Variants in PCMTD1 observed in about 807,000 individuals in gnomAD.
PCMTD1 encodes the protein protein-L-isoaspartate (D-aspartate) O-methyltransferase domain containing 1.
In PCMTD1, 12 loss-of-function variants were observed where a neutral mutation model predicts 37.6. That is an observed-to-expected ratio of 0.32 (90% CI 0.20 to 0.52). The LOEUF is 0.52. Ranked by LOEUF, PCMTD1 falls within the 20% of genes least tolerant of loss-of-function variation. PCMTD1 has a pLI of 0.97. For synonymous variants in PCMTD1, 117 were observed against 135.8 expected (o/e 0.86, Z 0.96); for missense variants, 235 against 421.3 (o/e 0.56, Z 3.87).
chr8:51,883,727 A>G (rs1457051425), intron 1 of PCMTD1, among the ~76,000 whole-genome samples: 1 of 152,170 alleles, frequency 6.6e-6, no homozygotes, highest in Non-Finnish European at 1.5e-5. Context: ...TTTTTTTGGC[A>G]TCTGAATTCT....
intron 1 of PCMTD1, among the ~76,000 whole-genome samples, chr8:51,869,099 A>G (rs2038602147): frequency 6.6e-6 from 1 of 152,188 alleles, no homozygotes; most frequent in Non-Finnish European, 1.5e-5. Flanking sequence ...TAATCAATAT[A>G]ATCAATATTA....
chr8:51,848,435 AAATAT>A (rs1389430953), intron 2 of PCMTD1, among the ~76,000 whole-genome samples: 2 of 152,176 alleles, frequency 1.3e-5, no homozygotes, highest in Non-Finnish European at 2.9e-5. Context: ...CAGAATATAT[AAATAT>A]AATAACAAAG....
intron 1 of PCMTD1, among the ~76,000 whole-genome samples, chr8:51,872,952 C>T (rs2129289882): frequency 6.6e-6 from 1 of 152,240 alleles, no homozygotes; most frequent in East Asian, 1.9e-4. Flanking sequence ...TCAATGATTC[C>T]TTTAAGAACT....
At chr8:51,857,628 C>T (rs2038410869) in intron 2 of PCMTD1, among the ~76,000 whole-genome samples, 1 of 152,068 alleles carries the variant, frequency 6.6e-6, no homozygotes, top group Non-Finnish European at 1.5e-5. Context: ...GGAGAATCAA[C>T]TAAGTACTAG....
At chr8:51,851,534 A>G (rs2038307796) in intron 2 of PCMTD1, among the ~76,000 whole-genome samples, 1 of 152,250 alleles carries the variant, frequency 6.6e-6, no homozygotes, top group Admixed American at 6.5e-5. Context: ...AATGTGCGCA[A>G]TAGAATATTA....
intron 3 of PCMTD1, among the ~76,000 whole-genome samples, chr8:51,843,736 G>A (rs2038179785): frequency 5.3e-5 from 8 of 152,082 alleles, no homozygotes; most frequent in Admixed American, 5.2e-4. Flanking sequence ...CTGTTTCCCA[G>A]GACTATACCC....
At chr8:51,864,573 G>A (rs2038523063) in intron 1 of PCMTD1, among the ~76,000 whole-genome samples, 1 of 152,078 alleles carries the variant, frequency 6.6e-6, no homozygotes, top group South Asian at 2.1e-4. Context: ...GGACTTTTGG[G>A]ACGTTCACAA....
In PCMTD1 at chr8:51,877,934, C is replaced by T. The variant is rs549898972; in HGVS notation, c.-95-16688G>A. ...ACTAAAGTTAAAAAAAAATTCTACT[C>T]CAAACTACTCCAAATGGTGCAGAAA... On this transcript the variant is annotated intron_variant, in intron 1 of 5. Transcript: ENST00000522514. 2.6e-4 allele frequency among the ~76,000 whole-genome samples: 40 copies of T among 152,280 alleles called. 1 individual carries two copies. The highest frequency in any genetic ancestry group is 8.9e-4 in the African/African-American group (37 of 41,554).
Position 51,817,715 on chromosome 8 carries a change from A to G in PCMTD1, c.*2636T>C, listed in dbSNP as rs1386337426. ...TTTGTATTTTATTTTACTACTATGTATGCTATTTTAATAACATTTTTCTTT... is the reference window on the plus strand; with the variant it reads ...TTTGTATTTTATTTTACTACTATGTGTGCTATTTTAATAACATTTTTCTTT... On this transcript the variant is annotated 3_prime_UTR_variant, in exon 6 of 6. Coordinates refer to ENST00000522514, the MANE Select transcript of PCMTD1 (RefSeq NM_052937.4). The G allele has an allele frequency of 2.4e-5, 9 of 370,886 alleles. No homozygotes were observed. In the East Asian group the frequency reaches 6.3e-4, roughly 26 times the overall value. 23.0% of individuals were successfully genotyped at this position (370,886 alleles called of 1,614,324 possible).
intron 1 of PCMTD1, among the ~76,000 whole-genome samples, chr8:51,881,269 CATTTAT>C (rs2038787779): frequency 6.6e-6 from 1 of 152,052 alleles, no homozygotes; most frequent in Admixed American, 6.5e-5. Flanking sequence ...TGCCACTAAA[CATTTAT>C]ATTCTTCAAG....
chr8:51,838,353 G>A (rs1461637015), intron 3 of PCMTD1, among the ~76,000 whole-genome samples: 3 of 151,636 alleles, frequency 2.0e-5, no homozygotes, highest in Non-Finnish European at 4.4e-5. Flanking sequence ...GTTAGGCACG[G>A]TAGCACGCGC....
chr8:51,898,695 A>C (rs2039048212), intron 1 of PCMTD1, among the ~76,000 whole-genome samples: 2 of 146,868 alleles, frequency 1.4e-5, no homozygotes, highest in African/African-American at 2.5e-5. Flanking sequence ...GCCCCTTTCG[A>C]CTCCCCGACC....
chr8:51,898,926 T>C lies in PCMTD1; in HGVS notation c.-96+4A>G. 1.5e-6 allele frequency: 2 copies of C among 1,354,258 alleles called. No individual in the cohort carries two copies. Among genetic ancestry groups the C allele is most frequent in the South Asian group, 1.8e-5 (1 of 55,040 alleles). 83.9% of individuals were successfully genotyped at this position (1,354,258 alleles called of 1,614,324 possible). ...CCCCGAGCCCCCACTGGCGGCGGCGTTACCTGTGGCGCGGGCAGCGGCGCG... is the reference window on the plus strand; with the variant it reads ...CCCCGAGCCCCCACTGGCGGCGGCGCTACCTGTGGCGCGGGCAGCGGCGCG... On this transcript the variant is annotated splice_donor_region_variant and intron_variant, in intron 1 of 5. Transcript: ENST00000522514.
At position 51,820,576 on chromosome 8, in the gene PCMTD1, C is replaced by T. The variant is rs2037832332; in HGVS notation, c.849G>A (p.Gln283=). The change falls in exon 6 of 6, where the codon CAG becomes CAA. Residue 283 remains glutamine (Q), a synonymous_variant. Transcript: ENST00000522514. Reference sequence around the variant, plus strand: ...CCACAAATACGTAAGTGTTAATTCTCTGTTTAACTCTCTTTCTTTTCCTTT... The same window carrying T: ...CCACAAATACGTAAGTGTTAATTCTTTGTTTAACTCTCTTTCTTTTCCTTT... ...PPKRKRKRVK[Q]RINTYVFVGN... is the part of the protein sequence containing the mutation. 1.2e-6 allele frequency: 2 copies of T among 1,612,292 alleles called. No homozygotes were observed. Among genetic ancestry groups the T allele is most frequent in the Non-Finnish European group, 1.7e-6 (2 of 1,179,538 alleles).
At chr8:51,862,443 T>C (rs2038487373) in intron 1 of PCMTD1, among the ~76,000 whole-genome samples, 1 of 152,138 alleles carries the variant, frequency 6.6e-6, no homozygotes, top group African/African-American at 2.4e-5. Flanking sequence ...TAAGTGCAAT[T>C]TGAGAAAACT....
chr8:51,860,158 A>G (rs2038450987), intron 2 of PCMTD1, among the ~76,000 whole-genome samples: 1 of 152,204 alleles, frequency 6.6e-6, no homozygotes, highest in Non-Finnish European at 1.5e-5. Flanking sequence ...CAGTGCCTTC[A>G]TTTACTTGCC....
intron 2 of PCMTD1, among the ~76,000 whole-genome samples, chr8:51,851,262 A>G (rs1376215560): frequency 6.6e-6 from 1 of 152,202 alleles, no homozygotes; most frequent in African/African-American, 2.4e-5. Flanking sequence ...AACAAGTTCT[A>G]GTCCCTCAGG....
intron 2 of PCMTD1, among the ~76,000 whole-genome samples, chr8:51,847,906 C>T (rs776992545): frequency 9.6e-5 from 13 of 135,050 alleles, no homozygotes; most frequent in African/African-American, 2.9e-4. Context: ...GGCAAGGCTT[C>T]GTCTCTACAA....
At chr8:51,836,619 C>T (rs892975629) in intron 3 of PCMTD1, among the ~76,000 whole-genome samples, 19 of 152,096 alleles carry the variant, frequency 1.2e-4, no homozygotes, top group Non-Finnish European at 2.2e-4. Context: ...AACTTTTCTA[C>T]CTACCAACGC....
Sources: allele counts gnomAD v4.1 joint callset (sites outside exome capture counted in the v4.1 genomes callset), GRCh38; gene constraint gnomAD v4.1.1; transcripts MANE v1.5; gene names NCBI Gene and HGNC (gene_info 2026-07-23, HGNC 2026-07-21).